GREB1L: variants seen among roughly 807,000 people sequenced by gnomAD.
The protein encoded by GREB1L is GREB1-like protein.
A neutral mutation model predicts 200.8 loss-of-function variants in GREB1L; 17 were observed. The observed-to-expected ratio is 0.08, with a 90% CI of 0.06 to 0.13. The LOEUF is 0.13. Ranked by LOEUF, GREB1L falls within the 10% of genes least tolerant of loss-of-function variation. The pLI is 1.00. For missense variants in GREB1L, 1,657 were observed against 2,367.7 expected, an observed-to-expected ratio of 0.70 and a Z score of 6.23; for synonymous variants, 789 against 893.0, an observed-to-expected ratio of 0.88 and a Z score of 2.08.
intron 17 of GREB1L, among the ~76,000 whole-genome samples, chr18:21,484,507 T>C (rs114994701): frequency 0.015 from 2,249 of 152,250 alleles, 56 homozygotes; most frequent in African/African-American, 0.051. Context: ...TAAATAAAAA[T>C]GTCAACACAT....
At chr18:21,498,812 A>T (rs2036658116) in intron 21 of GREB1L, among the ~76,000 whole-genome samples, 1 of 152,230 alleles carries the variant, frequency 6.6e-6, no homozygotes, top group African/African-American at 2.4e-5. Context: ...AGACACAGGC[A>T]GCTGAGCAAG....
intron 1 of GREB1L, among the ~76,000 whole-genome samples, chr18:21,296,675 G>A (rs2038533098): frequency 6.8e-6 from 1 of 147,970 alleles, no homozygotes. Context: ...TTTTTTTTGA[G>A]ACAGAGTCTC....
chr18:21,403,775 A>G, intron 6 of GREB1L, 97 bp from the exon 7 acceptor site: 2 of 1,000,148 alleles, frequency 2.0e-6, no homozygotes, highest in Non-Finnish European at 3.0e-6. Context: ...CTTAAGGAGC[A>G]GCGATTTAAT....
At chr18:21,400,207 T>C (rs2041261127) in intron 5 of GREB1L, among the ~76,000 whole-genome samples, 1 of 152,110 alleles carries the variant, frequency 6.6e-6, no homozygotes, top group South Asian at 2.1e-4. Context: ...AAAAATTGAT[T>C]TTCAATTAAA....
intron 15 of GREB1L, among the ~76,000 whole-genome samples, chr18:21,459,571 G>A (rs1156908599): frequency 2.0e-5 from 3 of 151,962 alleles, no homozygotes; most frequent in Non-Finnish European, 4.4e-5. Flanking sequence ...ACAGGAGTGA[G>A]CCACCGCGCA....
chr18:21,522,608 A>T, intron 32 of GREB1L, 50 bp from the exon 33 acceptor site: 1 of 1,388,396 alleles, frequency 7.2e-7, no homozygotes, highest in Non-Finnish European at 9.6e-7. Flanking sequence ...AAAGTTCTTT[A>T]TAAATTCAAT....
intron 1 of GREB1L, among the ~76,000 whole-genome samples, chr18:21,365,014 G>T (rs1434064497): frequency 6.6e-6 from 1 of 152,020 alleles, no homozygotes; most frequent in African/African-American, 2.4e-5. Flanking sequence ...ATATATGTGA[G>T]TTTGAAAACC....
At chr18:21,506,075 T>G in intron 25 of GREB1L, 126 bp downstream of exon 25, 2 of 1,014,410 alleles carry the variant, frequency 2.0e-6, no homozygotes, top group Non-Finnish European at 2.8e-6. Context: ...AGTTTACTCA[T>G]AAGAAGGAGC....
intron 1 of GREB1L, among the ~76,000 whole-genome samples, chr18:21,324,952 C>G (rs1418231705): frequency 6.6e-6 from 1 of 152,188 alleles, no homozygotes; most frequent in African/African-American, 2.4e-5. Context: ...AGAAGCAGTT[C>G]CGTATGGCAT....
rs185043298 is a variant in GREB1L at position 21,499,885 on chromosome 18, A to G, written c.3548A>G (p.Lys1183Arg). Reference sequence around the variant, plus strand: ...GGAGCCGGAGCCGGGGAGACTCTGAAGCAGGAATGTGACTCCCTGGGCCCC... The same window carrying G: ...GGAGCCGGAGCCGGGGAGACTCTGAGGCAGGAATGTGACTCCCTGGGCCCC... ...SAGAGAGETL[K>R]QECDSLGPQM... is the part of the protein sequence containing the mutation. The change falls in exon 22 of 33, where the codon AAG becomes AGG. Residue 1183 changes from lysine (K) to arginine (R), a missense_variant. Coordinates refer to ENST00000424526, the MANE Select transcript of GREB1L (RefSeq NM_001142966.3). 15 of 1,550,498 alleles carry G rather than the reference A, an allele frequency of 9.7e-6. No homozygotes were observed. In the African/African-American group the frequency reaches 1.9e-4, roughly 20 times the overall value.
intron 1 of GREB1L, among the ~76,000 whole-genome samples, chr18:21,344,957 T>C (rs2039323236): frequency 6.6e-6 from 1 of 152,180 alleles, no homozygotes; most frequent in Non-Finnish European, 1.5e-5. Context: ...TTGGCTGAGT[T>C]CCTTTCCTTT....
At chr18:21,271,699 G>A (rs1021040799) in intron 1 of GREB1L, among the ~76,000 whole-genome samples, 8 of 149,776 alleles carry the variant, frequency 5.3e-5, no homozygotes, top group African/African-American at 2.0e-4. Context: ...AGTCCAGAAT[G>A]TAGCCCCCAC....
chr18:21,302,548 A>T lies in GREB1L; in HGVS notation c.-120+60155A>T, dbSNP rs184897911. ...TTCAGGTTACTGTTTTGTAAGGGTT[A>T]AAGCAGAAGGACTTCCTTACTGTAC... is the stretch of plus-strand genomic sequence containing the variant. On this transcript the variant is annotated intron_variant, in intron 1 of 32. Transcript: ENST00000424526. Among the ~76,000 whole-genome samples, 175 of 152,294 alleles carry T rather than the reference A, an allele frequency of 1.1e-3. 1 individual carries two copies. The highest frequency in any genetic ancestry group is 4.1e-3 in the African/African-American group (169 of 41,560).
At chr18:21,391,955 C>G (rs935723509) in intron 4 of GREB1L, among the ~76,000 whole-genome samples, 6 of 151,998 alleles carry the variant, frequency 3.9e-5, no homozygotes, top group Non-Finnish European at 8.8e-5. Context: ...GACTACAGGT[C>G]CATGCCACCA....
rs536242549 is a variant in GREB1L at position 21,329,033 on chromosome 18, G to A, written c.-119-36994G>A. 3.9e-5 allele frequency among the ~76,000 whole-genome samples: 6 copies of A among 152,144 alleles called. No individual in the cohort carries two copies. In the South Asian group the frequency reaches 1.0e-3, roughly 26 times the overall value. On this transcript the variant is annotated intron_variant, in intron 1 of 32. Transcript: ENST00000424526. ...TAAGCACAATTAGACTTAAAATATT[G>A]TAATGGAGGCCAGGCACAGTGGCTC...
intron 1 of GREB1L, among the ~76,000 whole-genome samples, chr18:21,315,807 G>T (rs186790772): frequency 2.8e-3 from 423 of 152,212 alleles, no homozygotes; most frequent in Non-Finnish European, 4.0e-3. Flanking sequence ...CAGACTCTTT[G>T]GAATTCCCTG....
intron 7 of GREB1L, among the ~76,000 whole-genome samples, chr18:21,411,356 G>A (rs1366417066): frequency 3.3e-5 from 5 of 151,936 alleles, no homozygotes; most frequent in African/African-American, 4.8e-5. Flanking sequence ...GCAGGCTCCC[G>A]CCACCATGGC....
chr18:21,491,287 AAAG>A (rs2036323775), intron 19 of GREB1L, among the ~76,000 whole-genome samples: 1 of 152,190 alleles, frequency 6.6e-6, no homozygotes, highest in African/African-American at 2.4e-5. Flanking sequence ...AATTTTATGA[AAAG>A]AAGGCACATA....
chr18:21,287,793 C>CTTTT (rs534899512), intron 1 of GREB1L, among the ~76,000 whole-genome samples: 2 of 133,318 alleles, frequency 1.5e-5, no homozygotes, highest in African/African-American at 2.8e-5. Flanking sequence ...AGTTTAAAAT[C>CTTTT]TTTTTTTTTT....
Sources: gnomAD v4.1 joint callset for allele counts (sites outside exome capture counted in the v4.1 genomes callset) on GRCh38, gnomAD v4.1.1 for gene constraint, MANE v1.5 for transcripts, NCBI Gene and HGNC (gene_info 2026-07-23, HGNC 2026-07-21) for gene names.